SNTG2: variants seen among roughly 807,000 people sequenced by gnomAD.
The protein encoded by SNTG2 is syntrophin gamma 2.
Under a neutral mutation model 70.9 loss-of-function variants are expected in SNTG2, and 74 were observed. The observed-to-expected ratio is 1.04, with a 90% CI of 0.86 to 1.27. The LOEUF (loss-of-function observed/expected upper bound fraction) is 1.27. Among genes scored for constraint, SNTG2 ranks in the 50% most tolerant of loss-of-function variants. The pLI is 0.00. For missense variants in SNTG2, 717 were observed against 690.7 expected, an observed-to-expected ratio of 1.04 and a Z score of -0.43; for synonymous variants, 278 against 273.8, an observed-to-expected ratio of 1.02 and a Z score of -0.15.
chr2:990,499 T>C (rs1410677717), intron 1 of SNTG2, among the ~76,000 whole-genome samples: 1 of 152,176 alleles, frequency 6.6e-6, no homozygotes, highest in African/African-American at 2.4e-5. Context: ...CTCCTGCCTC[T>C]TTCTCCTATT....
At chr2:1,150,706 G>T (rs1669421400) in intron 6 of SNTG2, among the ~76,000 whole-genome samples, 1 of 17,820 alleles carries the variant, frequency 5.6e-5, no homozygotes, top group Non-Finnish European at 2.7e-4. Flanking sequence ...AGCAGCAAAT[G>T]TCGTGTTAGA....
At chr2:1,087,995 T>A (rs539912308) in intron 2 of SNTG2, among the ~76,000 whole-genome samples, 1 of 152,342 alleles carries the variant, frequency 6.6e-6, no homozygotes, top group East Asian at 1.9e-4. Flanking sequence ...TAAATTTATA[T>A]CTATATTTCA....
intron 16 of SNTG2, among the ~76,000 whole-genome samples, chr2:1,326,198 C>G (rs1285630122): frequency 6.6e-6 from 1 of 152,132 alleles, no homozygotes; most frequent in Non-Finnish European, 1.5e-5. Flanking sequence ...TATATCCAAA[C>G]AAATATAACA....
chr2:1,217,251 G>A (rs1264493073), intron 9 of SNTG2, among the ~76,000 whole-genome samples: 1 of 152,094 alleles, frequency 6.6e-6, no homozygotes, highest in Admixed American at 6.6e-5. Context: ...CCTCCAACAT[G>A]TTACAAGCCC....
chr2:1,219,304 C>A (rs546739486), intron 9 of SNTG2, among the ~76,000 whole-genome samples: 3 of 152,312 alleles, frequency 2.0e-5, no homozygotes, highest in South Asian at 2.1e-4. Flanking sequence ...ACCTGTGCCA[C>A]CAGAGCCAAG....
chr2:1,084,773 G>C (rs1664569648), intron 2 of SNTG2, among the ~76,000 whole-genome samples: 1 of 152,190 alleles, frequency 6.6e-6, no homozygotes, highest in Non-Finnish European at 1.5e-5. Context: ...TCTCTTTCCA[G>C]ACAGCGCCTT....
At chr2:1,192,609 A>G (rs1283578207) in intron 8 of SNTG2, among the ~76,000 whole-genome samples, 1 of 152,134 alleles carries the variant, frequency 6.6e-6, no homozygotes, top group Non-Finnish European at 1.5e-5. Context: ...AATAATAATC[A>G]TCATCATCTG....
chr2:1,134,205 T>C (rs560418034), intron 4 of SNTG2, among the ~76,000 whole-genome samples: 1 of 152,222 alleles, frequency 6.6e-6, no homozygotes, highest in East Asian at 1.9e-4. Flanking sequence ...AGCAGCAAAT[T>C]TATTGCAAAA....
chr2:1,249,870 G>T (rs1677652297), intron 12 of SNTG2, among the ~76,000 whole-genome samples: 1 of 152,136 alleles, frequency 6.6e-6, no homozygotes, highest in African/African-American at 2.4e-5. Context: ...GGGCCCTGAG[G>T]TCGCTGCCAC....
At position 1,367,387 on chromosome 2, in the gene SNTG2, C is replaced by T; in HGVS notation, c.1533C>T (p.His511=). 1.9e-6 allele frequency: 3 copies of T among 1,551,804 alleles called. No homozygotes were observed. Among genetic ancestry groups the T allele is most frequent in the Admixed American group, 3.9e-5 (2 of 51,012 alleles). ...QDLRAVLHCI[H]SFIAAKVASV... ...TGAGGGCTGTCCTGCACTGCATCCA[C>T]TCCTTCATAGCAGCCAAGGTGGCCT... The change falls in exon 17 of 17, where the codon CAC becomes CAT. Residue 511 remains histidine (H), a synonymous_variant. Coordinates refer to ENST00000308624, the MANE Select transcript of SNTG2 (RefSeq NM_018968.4).
At chr2:1,242,523 C>T (rs1195093096) in intron 11 of SNTG2, among the ~76,000 whole-genome samples, 3 of 152,136 alleles carry the variant, frequency 2.0e-5, no homozygotes, top group Non-Finnish European at 4.4e-5. Flanking sequence ...TTGTCTGGGA[C>T]AAAGACTAAC....
chr2:1,188,516 A>C (rs1048402521), intron 8 of SNTG2, among the ~76,000 whole-genome samples: 1 of 152,158 alleles, frequency 6.6e-6, no homozygotes, highest in African/African-American at 2.4e-5. Flanking sequence ...ATTTTCATAC[A>C]TTTTACTGAA....
intron 14 of SNTG2, among the ~76,000 whole-genome samples, chr2:1,277,334 C>T (rs994270879): frequency 3.3e-5 from 5 of 152,168 alleles, no homozygotes; most frequent in Non-Finnish European, 5.9e-5. Flanking sequence ...CCGCTCCAAC[C>T]TTCAGCAGCC....
chr2:1,184,111 C>T (rs1385089864), intron 8 of SNTG2, among the ~76,000 whole-genome samples: 2 of 152,234 alleles, frequency 1.3e-5, no homozygotes, highest in East Asian at 3.9e-4. Flanking sequence ...CTATGGGCCC[C>T]CAGTCCATCA....
At chr2:1,250,099 C>T (rs1267130108) in intron 12 of SNTG2, among the ~76,000 whole-genome samples, 2 of 152,208 alleles carry the variant, frequency 1.3e-5, no homozygotes, top group African/African-American at 4.8e-5. Context: ...TCGCAGACTC[C>T]TCATTCACGT....
At chr2:1,057,013 C>T (rs1282005838) in intron 1 of SNTG2, among the ~76,000 whole-genome samples, 1 of 150,768 alleles carries the variant, frequency 6.6e-6, no homozygotes, top group East Asian at 2.0e-4. Context: ...GAGGGCGGCG[C>T]AGCGCTGTGC....
chr2:1,268,363 C>A (rs963560574), intron 14 of SNTG2, among the ~76,000 whole-genome samples: 4 of 152,148 alleles, frequency 2.6e-5, no homozygotes, highest in Non-Finnish European at 4.4e-5. Flanking sequence ...TGAAACTATT[C>A]TGTGTTATTT....
chr2:1,109,738 T>C (rs1474034606), intron 4 of SNTG2, among the ~76,000 whole-genome samples: 1 of 152,198 alleles, frequency 6.6e-6, no homozygotes, highest in Non-Finnish European at 1.5e-5. Flanking sequence ...TAATAAATAA[T>C]TTAATAAATA....
chr2:1,074,473 CAG>C (rs1190275156), intron 1 of SNTG2, among the ~76,000 whole-genome samples: 9 of 152,164 alleles, frequency 5.9e-5, no homozygotes, highest in Non-Finnish European at 1.2e-4. Context: ...GTAGAATAAA[CAG>C]TGGTCTTTAC....
Sources: allele counts gnomAD v4.1 joint callset (sites outside exome capture counted in the v4.1 genomes callset), GRCh38; gene constraint gnomAD v4.1.1; transcripts MANE v1.5; gene names NCBI Gene and HGNC (gene_info 2026-07-23, HGNC 2026-07-21).